SNX29: variants seen among roughly 807,000 people sequenced by gnomAD.
SNX29 encodes sorting nexin 29.
Under a neutral mutation model 102.1 loss-of-function variants are expected in SNX29, and 78 were observed. The observed-to-expected ratio is 0.76, with a 90% confidence interval of 0.64 to 0.92. The LOEUF (loss-of-function observed/expected upper bound fraction) is 0.92. SNX29 is among the 40% of genes least tolerant of loss of function. The pLI is 0.00. For synonymous variants in SNX29, 580 were observed against 414.5 expected (o/e 1.40, Z -4.85); for missense variants, 1,280 against 1,061.7 (o/e 1.21, Z -2.86).
intron 15 of SNX29, among the ~76,000 whole-genome samples, chr16:12,304,790 TAA>T (rs1359776234): frequency 1.3e-5 from 2 of 152,214 alleles, no homozygotes; most frequent in African/African-American, 4.8e-5. Context: ...CATATTTTTT[TAA>T]AAAGAGAGGA....
At position 12,572,124 on chromosome 16, in the gene SNX29, C is replaced by T. The variant is rs997320462; in HGVS notation, c.*3495C>T. On this transcript the variant is annotated 3_prime_UTR_variant, in exon 21 of 21. Coordinates refer to ENST00000566228, the MANE Select transcript of SNX29 (RefSeq NM_032167.5). ...ACTGGGTCTGATCACAGCCCTTGGCCCTGCTTCATACTTTGGAGCTTATTA... is the reference window on the plus strand; with the variant it reads ...ACTGGGTCTGATCACAGCCCTTGGCTCTGCTTCATACTTTGGAGCTTATTA... 3 of 1,030,912 alleles carry T rather than the reference C, an allele frequency of 2.9e-6. No homozygotes were observed. Among genetic ancestry groups the T allele is most frequent in the Admixed American group, 5.4e-5 (1 of 18,626 alleles). 63.9% of individuals were successfully genotyped at this position (1,030,912 alleles called of 1,614,324 possible).
intron 18 of SNX29, among the ~76,000 whole-genome samples, chr16:12,421,245 A>G (rs2084860303): frequency 6.6e-6 from 1 of 152,228 alleles, no homozygotes; most frequent in African/African-American, 2.4e-5. Context: ...TAAGAGTTAG[A>G]AGCCAAAAGT....
At chr16:12,170,536 A>G (rs1046752479) in intron 13 of SNX29, among the ~76,000 whole-genome samples, 4 of 151,684 alleles carry the variant, frequency 2.6e-5, no homozygotes, top group Non-Finnish European at 5.9e-5. Flanking sequence ...GCTCAGGCAG[A>G]AGGAGGAGGG....
At chr16:12,360,315 C>CT (rs148265603) in intron 16 of SNX29, among the ~76,000 whole-genome samples, 7,961 of 152,232 alleles carry the variant, frequency 0.052, 323 homozygotes, top group African/African-American at 0.11. Context: ...CTGTCACTCT[C>CT]TTTTTTCCCT....
At chr16:12,544,045 A>G (rs928497277) in intron 20 of SNX29, among the ~76,000 whole-genome samples, 11 of 152,220 alleles carry the variant, frequency 7.2e-5, no homozygotes, top group Non-Finnish European at 1.5e-5. Context: ...ATCACATTGC[A>G]AAGCCACAGG....
At chr16:12,334,009 T>G (rs1373048293) in intron 15 of SNX29, among the ~76,000 whole-genome samples, 3 of 152,282 alleles carry the variant, frequency 2.0e-5, no homozygotes, top group African/African-American at 4.8e-5. Context: ...ATGGGTGTGT[T>G]TGTTAAATAT....
chr16:12,540,884 C>T (rs369072719), intron 20 of SNX29, among the ~76,000 whole-genome samples: 1 of 152,176 alleles, frequency 6.6e-6, no homozygotes, highest in African/African-American at 2.4e-5. Context: ...ACTTCTGGAC[C>T]CAGAGCTGGA....
chr16:12,478,460 A>G (rs1318042275), intron 19 of SNX29, among the ~76,000 whole-genome samples: 16 of 152,156 alleles, frequency 1.1e-4, no homozygotes, highest in Non-Finnish European at 8.8e-5. Context: ...TGATGACCCA[A>G]TTTGTCGCTG....
chr16:12,555,153 G>C, intron 20 of SNX29, among the ~76,000 whole-genome samples: 1 of 152,028 alleles, frequency 6.6e-6, no homozygotes, highest in Middle Eastern at 3.4e-3. Flanking sequence ...GTCCAGGAGT[G>C]ACAGGGTCTG....
chr16:12,061,404 C>A, intron 8 of SNX29, 124 bp from the exon 9 acceptor site: 1 of 720,996 alleles, frequency 1.4e-6, no homozygotes, highest in Non-Finnish European at 2.3e-6. Flanking sequence ...GCCCACACCT[C>A]CTTCTGTTCT....
chr16:12,371,387 C>T (rs548342122), intron 16 of SNX29, among the ~76,000 whole-genome samples: 1 of 152,178 alleles, frequency 6.6e-6, no homozygotes. Flanking sequence ...CAGCCTCAAA[C>T]TCCTGGGCTC....
At chr16:12,028,558 C>G (rs1307203980) in intron 4 of SNX29, among the ~76,000 whole-genome samples, 1 of 151,838 alleles carries the variant, frequency 6.6e-6, no homozygotes, top group Non-Finnish European at 1.5e-5. Context: ...AGACAGAGAT[C>G]TTGTTCTGTT....
chr16:12,189,102 T>C (rs78500149), intron 13 of SNX29, among the ~76,000 whole-genome samples: 2,948 of 152,310 alleles, frequency 0.019, 94 homozygotes, highest in African/African-American at 0.067. Context: ...AGAGAGGGCC[T>C]GGGAATCTGC....
At chr16:12,013,514 T>C (rs1342115239) in intron 3 of SNX29, among the ~76,000 whole-genome samples, 1 of 73,624 alleles carries the variant, frequency 1.4e-5, no homozygotes, top group African/African-American at 5.0e-5. Flanking sequence ...TATATATATA[T>C]ATATATATAT....
At chr16:12,022,820 T>A (rs1222152098) in intron 3 of SNX29, among the ~76,000 whole-genome samples, 1 of 152,180 alleles carries the variant, frequency 6.6e-6, no homozygotes, top group African/African-American at 2.4e-5. Context: ...TGTGGTGTTT[T>A]GGATGTGGCT....
intron 20 of SNX29, chr16:12,560,725 A>G (rs1003374268): frequency 3.0e-5 from 5 of 166,956 alleles, no homozygotes; most frequent in African/African-American, 4.8e-5. Flanking sequence ...CACACATTCA[A>G]CATCAAAACC....
At chr16:12,326,597 A>C (rs1357085921) in intron 15 of SNX29, among the ~76,000 whole-genome samples, 1 of 152,224 alleles carries the variant, frequency 6.6e-6, no homozygotes, top group Non-Finnish European at 1.5e-5. Flanking sequence ...CTTTATGTGC[A>C]AAAACGGGCA....
intron 11 of SNX29, among the ~76,000 whole-genome samples, chr16:12,094,268 G>A (rs572318190): frequency 1.3e-5 from 2 of 152,152 alleles, no homozygotes; most frequent in African/African-American, 4.8e-5. Context: ...ATTATACCTT[G>A]ATAAGAAAAA....
At position 12,568,813 on chromosome 16, in the gene SNX29, G is replaced by C. The variant is rs183274720; in HGVS notation, c.*184G>C. 3.4e-3 allele frequency: 3,274 copies of C among 965,274 alleles called. 13 individuals are homozygous for C. Among genetic ancestry groups the C allele is most frequent in the Non-Finnish European group, 4.5e-3 (3,029 of 672,586 alleles). The allele number at this position is 965,274 out of a possible 1,614,324, so 59.8% of individuals were successfully genotyped here. On this transcript the variant is annotated 3_prime_UTR_variant, in exon 21 of 21. Transcript: ENST00000566228. Reference sequence around the variant, plus strand: ...ATCAGTCTTCGAGCCGCATGATACCGTGACCCGAGAGACCAAGGCAGCACC... The same window carrying C: ...ATCAGTCTTCGAGCCGCATGATACCCTGACCCGAGAGACCAAGGCAGCACC...
Sources: allele counts gnomAD v4.1 joint callset (sites outside exome capture counted in the v4.1 genomes callset), GRCh38; gene constraint gnomAD v4.1.1; transcripts MANE v1.5; gene names NCBI Gene and HGNC (gene_info 2026-07-23, HGNC 2026-07-21).